Variants in SNX24 observed in about 807,000 individuals in gnomAD.
The protein encoded by SNX24 is sorting nexin-24.
A neutral mutation model predicts 28.7 loss-of-function variants in SNX24; 22 were observed. The observed-to-expected ratio is 0.77, with a 90% confidence interval of 0.55 to 1.10. The LOEUF (loss-of-function observed/expected upper bound fraction) is 1.10. SNX24 is among the 50% of genes least tolerant of loss of function. The pLI, the probability that SNX24 is intolerant of heterozygous loss-of-function variation, is 0.00. For synonymous variants in SNX24, 69 were observed against 71.5 expected (o/e 0.96, Z 0.18); for missense variants, 221 against 201.1 (o/e 1.10, Z -0.60).
chr5:123,028,591 G>T (rs898252544), intron 5 of SNX24: 3 of 468,064 alleles, frequency 6.4e-6, no homozygotes, highest in Middle Eastern at 2.9e-4. Context: ...AAATAAGGAC[G>T]CCTCCCTCAT....
intron 1 of SNX24, among the ~76,000 whole-genome samples, chr5:122,878,743 G>C (rs1756343401): frequency 6.6e-6 from 1 of 152,112 alleles, no homozygotes; most frequent in African/African-American, 2.4e-5. Context: ...AAACCAAGGT[G>C]GGAGGATTAC....
At chr5:122,868,699 G>C (rs2150049567) in intron 1 of SNX24, among the ~76,000 whole-genome samples, 1 of 152,080 alleles carries the variant, frequency 6.6e-6, no homozygotes, top group South Asian at 2.1e-4. Context: ...AAATGGGCAG[G>C]AGTAACACAC....
At chr5:123,028,843 T>C (rs34341374) in intron 5 of SNX24, 31,108 of 1,609,698 alleles carry the variant, frequency 0.019, 575 homozygotes, top group Middle Eastern at 0.08. Flanking sequence ...ACGATGAAAC[T>C]TGCTTCCTTT....
chr5:122,951,276 AAAAAAAG>A (rs1561645221), intron 3 of SNX24, among the ~76,000 whole-genome samples: 1 of 150,468 alleles, frequency 6.6e-6, no homozygotes, highest in African/African-American at 2.4e-5. Context: ...CAAAAAAAAA[AAAAAAAG>A]AAAAAGAAAA....
chr5:122,915,105 C>T lies in SNX24; in HGVS notation c.61-21629C>T, dbSNP rs114571850. ...TTGCATTATACTTAGTGGCTGAGTG[C>T]CCCAAATCTGAAAAATCTGAAATCT... On this transcript the variant is annotated intron_variant, in intron 1 of 6. Coordinates refer to ENST00000261369, the MANE Select transcript of SNX24 (RefSeq NM_014035.4). 8.3e-4 allele frequency among the ~76,000 whole-genome samples: 126 copies of T among 152,206 alleles called. 1 individual carries two copies. The highest frequency in any genetic ancestry group is 3.0e-3 in the African/African-American group (123 of 41,532).
chr5:123,009,004 A>G lies in SNX24; in HGVS notation c.*1255A>G. 1.0e-6 allele frequency: 1 copy of G among 985,786 alleles called. No individual in the cohort carries two copies. The highest frequency in any genetic ancestry group is 1.2e-6 in the Non-Finnish European group (1 of 829,850). The allele number at this position is 985,786 out of a possible 1,614,324, so 61.1% of individuals were successfully genotyped here. A position where few individuals can be genotyped will look rare whatever the true frequency, so the allele number is the denominator to read the frequency against. On this transcript the variant is annotated 3_prime_UTR_variant, in exon 7 of 7. Transcript: ENST00000261369. ...ACTAATAACTACATCATGGTTTTTG[A>G]TTAGGATCTAAATATTCAGGTTTTA...
chr5:123,002,139 G>C lies in SNX24; in HGVS notation c.442+135G>C. On this transcript the variant is annotated intron_variant, in intron 6 of 6. Coordinates refer to ENST00000261369, the MANE Select transcript of SNX24 (RefSeq NM_014035.4). ...AATCTGCCAATAAACCAGTGCTCTTGGTATAAGCGACACTTAGAATTTTAA... is the reference window on the plus strand; with the variant it reads ...AATCTGCCAATAAACCAGTGCTCTTCGTATAAGCGACACTTAGAATTTTAA... 1.1e-5 allele frequency: 8 copies of C among 714,818 alleles called. No homozygotes were observed. The South Asian group carries it at 1.3e-4, about 11-fold the overall frequency. 44.3% of individuals were successfully genotyped at this position (714,818 alleles called of 1,614,324 possible).
At chr5:122,930,717 TTC>T (rs1758914484) in intron 1 of SNX24, among the ~76,000 whole-genome samples, 1 of 152,244 alleles carries the variant, frequency 6.6e-6, no homozygotes, top group Admixed American at 6.5e-5. Context: ...TGGATATTTA[TTC>T]TCTTTCATCC....
intron 6 of SNX24, among the ~76,000 whole-genome samples, chr5:123,007,020 A>G (rs745958965): frequency 2.6e-5 from 4 of 152,224 alleles, no homozygotes; most frequent in Non-Finnish European, 5.9e-5. Context: ...ATTGGTTCCC[A>G]TTCAAGTAAT....
intron 1 of SNX24, among the ~76,000 whole-genome samples, chr5:122,931,920 T>C (rs1758975684): frequency 6.6e-6 from 1 of 152,110 alleles, no homozygotes; most frequent in Non-Finnish European, 1.5e-5. Flanking sequence ...ACTTGAAATA[T>C]AAGTTAAGTC....
chr5:122,867,448 G>A (rs1755772633), intron 1 of SNX24, among the ~76,000 whole-genome samples: 1 of 152,142 alleles, frequency 6.6e-6, no homozygotes, highest in Admixed American at 6.5e-5. Flanking sequence ...CTGCTGTCAG[G>A]TGTCTGGCTG....
In SNX24 at chr5:122,954,578, A is replaced by G. The variant is rs147354294; in HGVS notation, c.249+8419A>G. On this transcript the variant is annotated intron_variant, in intron 3 of 6. Coordinates refer to ENST00000261369, the MANE Select transcript of SNX24 (RefSeq NM_014035.4). ...TTTGTTTTTTTAATAGTTACCTGTT[A>G]TCTTTACTTTCCTCTTGAACATTAC... is the stretch of plus-strand genomic sequence containing the variant. Among the ~76,000 whole-genome samples, 1,101 of 148,438 alleles carry G rather than the reference A, an allele frequency of 7.4e-3. 15 individuals are homozygous for G. Among genetic ancestry groups the G allele is most frequent in the African/African-American group, 0.026 (1,055 of 40,272 alleles).
chr5:122,920,419 TAA>T (rs1253189494), intron 1 of SNX24, among the ~76,000 whole-genome samples: 2 of 152,074 alleles, frequency 1.3e-5, no homozygotes, highest in Non-Finnish European at 2.9e-5. Context: ...ATCCTGAAAA[TAA>T]TTATTTTGAA....
chr5:123,026,194 A>T (rs1219231931), intron 5 of SNX24, among the ~76,000 whole-genome samples: 1 of 152,250 alleles, frequency 6.6e-6, no homozygotes, highest in Non-Finnish European at 1.5e-5. Flanking sequence ...AATATGGCAC[A>T]GGATAGTGGG....
At chr5:123,028,941 A>G (rs1762903115) in intron 5 of SNX24, 5 of 1,295,696 alleles carry the variant, frequency 3.9e-6, no homozygotes, top group Non-Finnish European at 5.5e-6. Context: ...GTTGATCTAG[A>G]AAGGACAAAC....
chr5:122,994,175 A>G (rs573595597), intron 3 of SNX24, among the ~76,000 whole-genome samples: 24 of 152,306 alleles, frequency 1.6e-4, no homozygotes, highest in South Asian at 1.5e-3. Context: ...TTTCAACAAG[A>G]TGTTCCATTC....
chr5:122,953,028 C>T (rs1436918872), intron 3 of SNX24, among the ~76,000 whole-genome samples: 1 of 151,426 alleles, frequency 6.6e-6, no homozygotes, highest in African/African-American at 2.4e-5. Flanking sequence ...TGAAAACTTC[C>T]TCAGGTTACA....
chr5:122,854,238 G>A (rs1363166599), intron 1 of SNX24, among the ~76,000 whole-genome samples: 2 of 152,176 alleles, frequency 1.3e-5, no homozygotes, highest in African/African-American at 2.4e-5. Flanking sequence ...GCCGGGTGCA[G>A]TAGCTCACGC....
At chr5:123,010,846 T>G (rs1172620150), downstream of SNX24, among the ~76,000 whole-genome samples, 1 of 142,060 alleles carries the variant, frequency 7.0e-6, no homozygotes, top group Non-Finnish European at 1.7e-5. Context: ...TACCCATTGC[T>G]TTCTATTTTT....
Sources: gnomAD v4.1 joint callset for allele counts (sites outside exome capture counted in the v4.1 genomes callset) on GRCh38, gnomAD v4.1.1 for gene constraint, MANE v1.5 for transcripts, NCBI Gene and HGNC (gene_info 2026-07-23, HGNC 2026-07-21) for gene names.